The following ARRB1 variants were observed in gnomAD, a reference collection of about 807,000 sequenced individuals.
ARRB1 encodes beta-arrestin-1.
In ARRB1, 21 loss-of-function variants were observed where a neutral mutation model predicts 56.8. That is an observed-to-expected ratio of 0.37 (90% CI 0.26 to 0.53). ARRB1 has a LOEUF of 0.53. ARRB1 is among the 20% of genes least tolerant of loss of function. The pLI is 0.88. For missense variants in ARRB1, 424 were observed against 553.7 expected, an observed-to-expected ratio of 0.77 and a Z score of 2.35; for synonymous variants, 210 against 218.6, an observed-to-expected ratio of 0.96 and a Z score of 0.35.
At chr11:75,274,350 C>T in intron 10 of ARRB1, 139 bp from the exon 11 acceptor site, 10 of 1,256,894 alleles carry the variant, frequency 8.0e-6, no homozygotes, top group Non-Finnish European at 1.1e-5. Flanking sequence ...ACACACGGAC[C>T]ACTTGGGCCA....
At chr11:75,318,769 G>A (rs985811698) in intron 1 of ARRB1, among the ~76,000 whole-genome samples, 1 of 151,896 alleles carries the variant, frequency 6.6e-6, no homozygotes, top group Non-Finnish European at 1.5e-5. Flanking sequence ...GAGCCACTGC[G>A]CCCAACATAA....
intron 1 of ARRB1, among the ~76,000 whole-genome samples, chr11:75,302,045 G>A (rs1045179012): frequency 3.3e-5 from 5 of 152,210 alleles, no homozygotes; most frequent in Non-Finnish European, 5.9e-5. Context: ...TGGGCTCAGG[G>A]AGACTCGCTA....
chr11:75,302,488 A>G (rs1171772446), intron 1 of ARRB1, among the ~76,000 whole-genome samples: 1 of 152,250 alleles, frequency 6.6e-6, no homozygotes, highest in East Asian at 1.9e-4. Context: ...GCTGGATACC[A>G]AAGAGCCCAC....
chr11:75,266,935 A>ACTAGACT (rs1945934210), intron 15 of ARRB1, among the ~76,000 whole-genome samples: 1 of 152,160 alleles, frequency 6.6e-6, no homozygotes. Flanking sequence ...GGGTTTCAGG[A>ACTAGACT]CTAGACTGCC....
At chr11:75,290,250 C>T (rs550161342) in intron 1 of ARRB1, among the ~76,000 whole-genome samples, 11 of 152,224 alleles carry the variant, frequency 7.2e-5, no homozygotes, top group South Asian at 2.1e-4. Context: ...TCCTGGGCTA[C>T]GCAACAGCCG....
intron 12 of ARRB1, 152 bp downstream of exon 12, chr11:75,272,743 C>A: frequency 1.5e-6 from 1 of 671,528 alleles, no homozygotes; most frequent in South Asian, 1.8e-5. Flanking sequence ...GAAAGAGGAA[C>A]AGAAGGGAGG....
intron 1 of ARRB1, among the ~76,000 whole-genome samples, chr11:75,299,980 G>C (rs569485035): frequency 1.3e-5 from 2 of 152,116 alleles, no homozygotes; most frequent in African/African-American, 4.8e-5. Context: ...GCCGAGGGGG[G>C]CAGATCACGA....
At chr11:75,303,625 G>A (rs2140467338) in intron 1 of ARRB1, 2 of 456,244 alleles carry the variant, frequency 4.4e-6, no homozygotes, top group Non-Finnish European at 4.4e-6. Context: ...CCCCGGTGTC[G>A]GTGTTGTTTC....
rs150290364 is a variant in ARRB1 at position 75,268,956 on chromosome 11, G to A, written c.1026C>T (p.Asp342=). The A allele has an allele frequency of 1.1e-4, 175 of 1,609,338 alleles. No homozygotes were observed. The highest frequency in any genetic ancestry group is 9.9e-4 in the African/African-American group (74 of 74,446). The change falls in exon 14 of 16, where the codon GAC becomes GAT. Residue 342 remains aspartate (D), a synonymous_variant. Coordinates refer to ENST00000420843, the MANE Select transcript of ARRB1 (RefSeq NM_004041.5). ...GGLLGDLASS[D]VAVELPFTLM... is the part of the protein sequence containing the mutation. ...GGGTGAAGGGCAGTTCCACGGCCAC[G>A]TCGCTGAAACAGAGACCCAGACCCA...
intron 1 of ARRB1, among the ~76,000 whole-genome samples, chr11:75,299,392 T>C (rs938265488): frequency 4.6e-5 from 7 of 151,310 alleles, no homozygotes; most frequent in African/African-American, 1.7e-4. Flanking sequence ...TTTATAAAGA[T>C]GCTTGGATTT....
Position 75,292,595 on chromosome 11 carries a change from G to A in ARRB1, c.21-2556C>T, listed in dbSNP as rs927936735. ...GACGTGCAGAGAAGACCAGAGAAGT[G>A]GCACCGGCCACAAGGGACTCCACCT... is the stretch of plus-strand genomic sequence containing the variant. On this transcript the variant is annotated intron_variant, in intron 1 of 15. Coordinates refer to ENST00000420843, the MANE Select transcript of ARRB1 (RefSeq NM_004041.5). Among the ~76,000 whole-genome samples, 4 of 152,188 alleles carry A rather than the reference G, an allele frequency of 2.6e-5. No homozygotes were observed. The South Asian group carries it at 8.3e-4, about 31-fold the overall frequency.
intron 15 of ARRB1, among the ~76,000 whole-genome samples, chr11:75,266,540 T>C (rs1945918562): frequency 6.6e-6 from 1 of 152,158 alleles, no homozygotes; most frequent in Admixed American, 6.5e-5. Context: ...AATTTGACTC[T>C]TGTGCCTGAG....
rs1465679091 is a variant in ARRB1, at chr11:75,272,908, C to A, written c.985G>T (p.Val329Leu). 1.2e-6 allele frequency: 2 copies of A among 1,614,074 alleles called. No homozygotes were observed. The highest frequency in any genetic ancestry group is 1.7e-6 in the Non-Finnish European group (2 of 1,179,996). ...TGGAGCACTCACCCGCCCCGAGACA[C>A]CACCAGCTTCACTTTCACTTTGTAG... ...VSYKVKVKLV[V>L]SRGGLLGDLA... is the part of the protein sequence containing the mutation. The change falls in exon 12 of 16, where the codon GTG becomes TTG. Residue 329 changes from valine to leucine, a missense_variant. Coordinates refer to ENST00000420843, the MANE Select transcript of ARRB1 (RefSeq NM_004041.5).
Position 75,282,015 on chromosome 11 carries a change from G to C in ARRB1, c.361C>G (p.Pro121Ala), listed in dbSNP as rs759322373. 6.2e-7 allele frequency: 1 copy of C among 1,614,098 alleles called. No individual in the cohort carries two copies. The highest frequency in any genetic ancestry group is 2.2e-5 in the East Asian group (1 of 44,876). Residue 121 changes from proline to alanine, a missense_variant, in exon 6 of 16, where the codon CCA (proline) becomes GCA (alanine). This residue lies in a region of ARRB1 where 301 missense variants were observed against 387.9 expected (regional missense o/e 0.78). Coordinates refer to ENST00000420843, the MANE Select transcript of ARRB1 (RefSeq NM_004041.5). ...AGTGTCACAGAACATGGAAGGTTTG[G>C]AGGGATCTGTCAAGAAGAGGACAGA... ...HAYPFTFEIP[P>A]NLPCSVTLQP...
Position 75,278,626 on chromosome 11 carries a change from C to T in ARRB1, c.601G>A (p.Ala201Thr). 8 of 1,614,182 alleles carry T rather than the reference C, an allele frequency of 5.0e-6. No individual in the cohort carries two copies. Among genetic ancestry groups the T allele is most frequent in the Non-Finnish European group, 6.8e-6 (8 of 1,180,024 alleles). Residue 201 changes from alanine (A) to threonine (T), a missense_variant, in exon 8 of 16, where the codon GCC becomes ACC. Around this residue, in one of 3 missense-constraint regions of ARRB1, gnomAD observed 301 missense variants for 387.9 expected, o/e 0.78. Transcript: ENST00000420843. Reference protein sequence around the residue: ...LMSDKPLHLEASLDKEIYYHG... With the variant: ...LMSDKPLHLETSLDKEIYYHG... Reference sequence around the variant, plus strand: ...CCTCCTACCTCCTTATCCAGAGAGGCTTCTAGGTGCAAGGGCTTGTCCGAC... The same window carrying T: ...CCTCCTACCTCCTTATCCAGAGAGGTTTCTAGGTGCAAGGGCTTGTCCGAC...
rs79431525 is a variant in ARRB1 at position 75,278,597 on chromosome 11, C to T, written c.618+12G>A. The T allele has an allele frequency of 1.4e-3, 2,229 of 1,613,894 alleles. 5 individuals are homozygous for T. Among genetic ancestry groups the T allele is most frequent in the Non-Finnish European group, 1.7e-3 (2,022 of 1,179,878 alleles). ...AGCAGCCCCCACCCCCTGCCAAGTC[C>T]GAGCCTCCTACCTCCTTATCCAGAG... On this transcript the variant is annotated intron_variant, in intron 8 of 15. Transcript: ENST00000420843.
intron 12 of ARRB1, among the ~76,000 whole-genome samples, 194 bp from the exon 13 acceptor site, chr11:75,271,918 G>A (rs985189559): frequency 1.4e-5 from 2 of 147,916 alleles, no homozygotes; most frequent in East Asian, 2.1e-4. Flanking sequence ...GCCCTGCCCC[G>A]AGGGACTGGG....
At position 75,263,548 on chromosome 11, in the gene ARRB1, C is replaced by T. The variant is rs978545163; in HGVS notation, c.*2615G>A. On this transcript the variant is annotated 3_prime_UTR_variant, in exon 16 of 16. Coordinates refer to ENST00000420843, the MANE Select transcript of ARRB1 (RefSeq NM_004041.5). ...CATAGGGACCAGCAGCCACCAGGAG[C>T]CCTGAAGGCAACTGCCCTCTATTAC... 2.0e-5 allele frequency among the ~76,000 whole-genome samples: 3 copies of T among 152,204 alleles called. No homozygotes were observed. Among genetic ancestry groups the T allele is most frequent in the African/African-American group, 7.2e-5 (3 of 41,454 alleles).
rs560313919 is a variant in ARRB1, at chr11:75,292,895, T to TC, written c.21-2857dup. 5.5e-3 allele frequency among the ~76,000 whole-genome samples: 837 copies of TC among 152,268 alleles called. 12 individuals carry two copies. Among genetic ancestry groups the TC allele is most frequent in the African/African-American group, 0.02 (814 of 41,548 alleles). ...CAAGGCTCAGAGAGACGCAGTAATT[T>TC]CCCCAAGAACACACAGCAAGCCAGG... On this transcript the variant is annotated intron_variant, in intron 1 of 15. Coordinates refer to ENST00000420843, the MANE Select transcript of ARRB1 (RefSeq NM_004041.5).
Sources: allele counts gnomAD v4.1 joint callset (sites outside exome capture counted in the v4.1 genomes callset), GRCh38; gene constraint gnomAD v4.1.1; regional missense constraint gnomAD v4.1.1; transcripts MANE v1.5; gene names NCBI Gene and HGNC (gene_info 2026-07-23, HGNC 2026-07-21).